AP1G1: variants seen among roughly 807,000 people sequenced by gnomAD.
AP1G1 encodes the protein AP-1 complex subunit gamma-1.
In AP1G1, 7 loss-of-function variants were observed where a neutral mutation model predicts 108.3. That is an observed-to-expected ratio of 0.06 (90% CI 0.04 to 0.12). The LOEUF is 0.12. Ranked by LOEUF, AP1G1 falls within the 10% of genes least tolerant of loss-of-function variation. The probability of loss-of-function intolerance (pLI) is 1.00; values close to 1 mark genes in which losing one functional copy is unlikely to be tolerated. For missense variants in AP1G1, 756 were observed against 1,010.7 expected, an observed-to-expected ratio of 0.75 and a Z score of 3.42; for synonymous variants, 379 against 353.5, an observed-to-expected ratio of 1.07 and a Z score of -0.81.
rs1047535330 is a variant in AP1G1, at chr16:71,771,183, T to C, written c.538A>G (p.Lys180Glu). ...TGGTTCTTCTCATTCAATAAATTTT[T>C]TGTTGCTGGTAAAAACATCTCCATA... The part of the protein sequence containing the change: ...ELMEMFLPAT[K>E]NLLNEKNHGV... Residue 180 changes from lysine to glutamate, a missense_variant, in exon 5 of 23, where the codon AAA becomes GAA. This residue lies in a region of AP1G1 where 304 missense variants were observed against 483.6 expected (regional missense o/e 0.63). Coordinates refer to ENST00000299980, the MANE Select transcript of AP1G1 (RefSeq NM_001128.6). 1 of 1,609,636 alleles carries C rather than the reference T, an allele frequency of 6.2e-7. No homozygotes were observed. Among genetic ancestry groups the C allele is most frequent in the Non-Finnish European group, 8.5e-7 (1 of 1,177,474 alleles).
intron 4 of AP1G1, 134 bp from the exon 5 acceptor site, chr16:71,771,386 A>G: frequency 1.7e-6 from 1 of 571,746 alleles, no homozygotes; most frequent in East Asian, 3.1e-5. Context: ...GGAAGAGGTT[A>G]GATATTAGAT....
At chr16:71,808,561 G>A (rs960312660) in intron 1 of AP1G1, 19 of 1,288,518 alleles carry the variant, frequency 1.5e-5, no homozygotes, top group Middle Eastern at 2.2e-4. Flanking sequence ...CCCGGTCCGA[G>A]GCCTCGGGGT....
chr16:71,742,066 TA>T lies in AP1G1; in HGVS notation c.2000-2726del, dbSNP rs536077290. On this transcript the variant is annotated intron_variant, in intron 19 of 22. Transcript: ENST00000299980. The stretch of plus-strand genomic sequence containing the variant: ...GAATTCAAAATTTTAAAACTTAATG[TA>T]AAAAGTGGAAAAACATCTTTAAAAC... Among the ~76,000 whole-genome samples the T allele has an allele frequency of 3.8e-3, 576 of 152,292 alleles. 3 individuals carry two copies. The highest frequency in any genetic ancestry group is 5.0e-3 in the Non-Finnish European group (338 of 68,012).
At chr16:71,749,029 C>T (rs1392258184) in intron 15 of AP1G1, among the ~76,000 whole-genome samples, 1 of 152,112 alleles carries the variant, frequency 6.6e-6, no homozygotes, top group Non-Finnish European at 1.5e-5. Context: ...GCCTCAGCCT[C>T]CCGAGTAGCT....
chr16:71,773,487 G>T, intron 3 of AP1G1, 125 bp from the exon 4 acceptor site: 1 of 985,778 alleles, frequency 1.0e-6, no homozygotes, highest in Non-Finnish European at 1.4e-6. Flanking sequence ...ATTATTTGTT[G>T]CAGAAAATGT....
intron 1 of AP1G1, among the ~76,000 whole-genome samples, chr16:71,791,493 A>C (rs2032396634): frequency 6.6e-6 from 1 of 152,020 alleles, no homozygotes; most frequent in Non-Finnish European, 1.5e-5. Context: ...AGAATGTTGT[A>C]TGTAGATAGG....
In AP1G1 at chr16:71,789,383, C is replaced by G; in HGVS notation, c.97G>C (p.Ala33Pro). The G allele has an allele frequency of 6.2e-7, 1 of 1,614,210 alleles. No individual in the cohort carries two copies. Residue 33 changes from alanine (A) to proline (P), a missense_variant, in exon 2 of 23, where the codon GCA becomes CCA. By Grantham distance (27) the Ala-to-Pro change is conservative. Transcript: ENST00000299980. ...TCTTCTCTAAAAGATGACCGGATTG[C>G]AGCACATTCTTTCTGGATCATTTCT... ...EREMIQKECA[A>P]IRSSFREEDN...
At chr16:71,765,449 A>C in intron 7 of AP1G1, 40 bp downstream of exon 7, 1 of 1,448,248 alleles carries the variant, frequency 6.9e-7, no homozygotes, top group Non-Finnish European at 9.6e-7. Context: ...AAGATATTAA[A>C]TTCATATAAC....
At chr16:71,744,809 C>A (rs917944655) in intron 19 of AP1G1, among the ~76,000 whole-genome samples, 1 of 152,066 alleles carries the variant, frequency 6.6e-6, no homozygotes, top group African/African-American at 2.4e-5. Flanking sequence ...CTCCTGACCT[C>A]AGGTGATCCA....
chr16:71,798,380 T>C (rs948423000), intron 1 of AP1G1, among the ~76,000 whole-genome samples: 7 of 152,184 alleles, frequency 4.6e-5, no homozygotes, highest in African/African-American at 9.6e-5. Context: ...TTTGTATTTT[T>C]AGTAGAGACA....
intron 2 of AP1G1, among the ~76,000 whole-genome samples, chr16:71,783,616 C>T (rs2032100711): frequency 1.3e-5 from 2 of 151,980 alleles, no homozygotes; most frequent in African/African-American, 4.8e-5. Flanking sequence ...TAAAGAAGTG[C>T]AGTCCTATGC....
intron 2 of AP1G1, among the ~76,000 whole-genome samples, chr16:71,776,369 A>G (rs955948922): frequency 2.0e-5 from 3 of 152,252 alleles, no homozygotes; most frequent in African/African-American, 7.2e-5. Flanking sequence ...GTGAAATGGA[A>G]AAGATTATGT....
chr16:71,767,002 A>G (rs905629327), intron 6 of AP1G1, among the ~76,000 whole-genome samples: 1 of 152,228 alleles, frequency 6.6e-6, no homozygotes, highest in Non-Finnish European at 1.5e-5. Flanking sequence ...ATATTTTTGT[A>G]ATAAAATGAA....
At chr16:71,771,025 T>C in intron 5 of AP1G1, 131 bp downstream of exon 5, 1 of 497,976 alleles carries the variant, frequency 2.0e-6, no homozygotes, top group Non-Finnish European at 3.5e-6. Flanking sequence ...CAGACCTTCC[T>C]GGAAAAGTGT....
In AP1G1 at chr16:71,745,159, C is replaced by T. The variant is rs149947940; in HGVS notation, c.1984G>A (p.Asp662Asn). The T allele has an allele frequency of 8.1e-6, 13 of 1,614,004 alleles. No homozygotes were observed. In the African/African-American group the frequency reaches 1.7e-4, roughly 22 times the overall value. Residue 662 changes from aspartate to asparagine, a missense_variant, in exon 19 of 23, where the codon GAC (aspartate) becomes AAC (asparagine). Transcript: ENST00000299980. Reference protein sequence around the residue: ...AGGELLDLLGDINLTGAPAAA... With the variant: ...AGGELLDLLGNINLTGAPAAA... ...ACTGCCTCACCTGTAAGGTTGATGTCTCCCAGCAAATCAAGAAGTTCTCCA... is the reference window on the plus strand; with the variant it reads ...ACTGCCTCACCTGTAAGGTTGATGTTTCCCAGCAAATCAAGAAGTTCTCCA...
rs973258769 is a variant in AP1G1 at position 71,769,743 on chromosome 16, T to C, written c.566-44A>G. 17 of 1,492,288 alleles carry C rather than the reference T, an allele frequency of 1.1e-5. 1 individual carries two copies. The highest frequency in any genetic ancestry group is 2.3e-5 in the East Asian group (1 of 43,934). The allele number at this position is 1,492,288 out of a possible 1,614,324, so 92.4% of individuals were successfully genotyped here. A position where few individuals can be genotyped will look rare whatever the true frequency, so the allele number is the denominator to read the frequency against. ...GGAAAACTAAAAATGAGGCCTATTATTCAATTTTATAGAACAGGACTTTGA... is the reference window on the plus strand; with the variant it reads ...GGAAAACTAAAAATGAGGCCTATTACTCAATTTTATAGAACAGGACTTTGA... On this transcript the variant is annotated intron_variant, in intron 5 of 22. Transcript: ENST00000299980.
chr16:71,736,577 TA>T (rs2045547749), intron 21 of AP1G1, among the ~76,000 whole-genome samples: 2 of 139,512 alleles, frequency 1.4e-5, no homozygotes, highest in Non-Finnish European at 3.1e-5. Context: ...TTTATTTATT[TA>T]TTTATTTATT....
chr16:71,785,052 A>T (rs886455697), intron 2 of AP1G1, among the ~76,000 whole-genome samples: 1 of 151,376 alleles, frequency 6.6e-6, no homozygotes, highest in Admixed American at 6.6e-5. Flanking sequence ...TCAACGTATG[A>T]TCAACACAAA....
intron 19 of AP1G1, chr16:71,743,194 G>C (rs1306416672): frequency 6.6e-6 from 1 of 151,944 alleles, no homozygotes; most frequent in East Asian, 1.9e-4. Context: ...TTGAGGATTT[G>C]AAATTGACCA....
Sources: allele counts gnomAD v4.1 joint callset (sites outside exome capture counted in the v4.1 genomes callset), GRCh38; gene constraint gnomAD v4.1.1; regional missense constraint gnomAD v4.1.1; transcripts MANE v1.5; gene names NCBI Gene and HGNC (gene_info 2026-07-23, HGNC 2026-07-21).